CLTCL1: variants seen among roughly 807,000 people sequenced by gnomAD.
CLTCL1 encodes clathrin heavy chain like 1, also known as clathrin heavy chain 2.
Under a neutral mutation model 190.0 loss-of-function variants are expected in CLTCL1, and 159 were observed. The observed-to-expected ratio is 0.84, with a 90% CI of 0.74 to 0.95. The LOEUF (loss-of-function observed/expected upper bound fraction) is 0.95. Among genes scored for constraint, CLTCL1 ranks in the 40% least tolerant of loss-of-function variants. The pLI, the probability that CLTCL1 is intolerant of heterozygous loss-of-function variation, is 0.00. For missense variants in CLTCL1, 1,878 were observed against 2,033.4 expected (o/e 0.92, Z 1.47); for synonymous variants, 752 against 769.6 (o/e 0.98, Z 0.38).
intron 9 of CLTCL1, 29 bp downstream of exon 9, chr22:19,233,137 T>A (rs782307536): frequency 5.4e-5 from 86 of 1,595,804 alleles, no homozygotes; most frequent in Non-Finnish European, 6.9e-5. Flanking sequence ...GAGTAATCTG[T>A]GAGATGCCAG....
intron 18 of CLTCL1, 40 bp downstream of exon 18, chr22:19,219,845 A>G (rs186937870): frequency 6.4e-5 from 103 of 1,609,332 alleles, no homozygotes; most frequent in Admixed American, 8.3e-5. Context: ...ATCGGACGGC[A>G]AAATGCAGGT....
intron 1 of CLTCL1, among the ~76,000 whole-genome samples, chr22:19,276,416 T>C (rs1555983380): frequency 6.6e-6 from 1 of 152,162 alleles, no homozygotes; most frequent in Admixed American, 6.5e-5. Flanking sequence ...AGTCAGCAGG[T>C]TTGGCACATC....
At chr22:19,216,023 A>G (rs1601545137) in intron 19 of CLTCL1, 88 bp downstream of exon 19, 1 of 1,315,280 alleles carries the variant, frequency 7.6e-7, no homozygotes, top group Non-Finnish European at 1.0e-6. Flanking sequence ...TGGATGGGTG[A>G]AGCGGTACGA....
intron 26 of CLTCL1, among the ~76,000 whole-genome samples, chr22:19,195,716 C>A (rs147253420): frequency 1.7e-4 from 26 of 152,274 alleles, no homozygotes; most frequent in African/African-American, 6.0e-4. Flanking sequence ...GCTCACTTGA[C>A]CATGGCACCC....
At chr22:19,275,021 G>A (rs1046392669) in intron 2 of CLTCL1, among the ~76,000 whole-genome samples, 7 of 152,050 alleles carry the variant, frequency 4.6e-5, no homozygotes, top group South Asian at 2.1e-4. Flanking sequence ...GAGTCACTGC[G>A]CCCGGCCCAG....
chr22:19,272,667 C>T (rs1555981298), intron 2 of CLTCL1, among the ~76,000 whole-genome samples: 2 of 152,094 alleles, frequency 1.3e-5, no homozygotes, highest in Non-Finnish European at 2.9e-5. Flanking sequence ...GAGGAGGTTA[C>T]TCCACGTTCG....
Position 19,275,761 on chromosome 22 carries a change from T to G in CLTCL1, c.112A>C (p.Ile38Leu). Residue 38 changes from isoleucine to leucine, a missense_variant, in exon 2 of 33, where the codon ATA becomes CTA. Ile to Leu is a conservative substitution (Grantham distance 5). Transcript: ENST00000427926. The stretch of plus-strand genomic sequence containing the variant: ...TCACCAACTTTCTCTCGGATACATA[T>G]GAACTTGTCAGATTCCATGGTCAGT... ...STLTMESDKFICIREKVGEQA... is the reference protein window; with the variant it reads ...STLTMESDKFLCIREKVGEQA... 6.2e-7 allele frequency: 1 copy of G among 1,610,316 alleles called. No individual in the cohort carries two copies.
intron 3 of CLTCL1, among the ~76,000 whole-genome samples, chr22:19,244,690 C>A (rs573717851): frequency 6.6e-6 from 1 of 152,314 alleles, no homozygotes; most frequent in Admixed American, 6.5e-5. Context: ...AGAGACCAGA[C>A]CTTAGGCTAC....
chr22:19,226,120 C>T, intron 12 of CLTCL1, 99 bp downstream of exon 12: 1 of 1,364,458 alleles, frequency 7.3e-7, no homozygotes, highest in Non-Finnish European at 1.0e-6. Context: ...CAGGCTCAGG[C>T]CACAGTTCCA....
intron 19 of CLTCL1, among the ~76,000 whole-genome samples, chr22:19,211,364 C>T (rs116047882): frequency 0.012 from 1,867 of 152,330 alleles, 35 homozygotes; most frequent in African/African-American, 0.041. Flanking sequence ...TGTCCACTCT[C>T]CACACTTCTA....
At chr22:19,252,930 C>T (rs1237591347) in intron 3 of CLTCL1, among the ~76,000 whole-genome samples, 2 of 149,368 alleles carry the variant, frequency 1.3e-5, no homozygotes, top group Admixed American at 6.8e-5. Context: ...AGGAGAATGG[C>T]ATGAACCCAG....
At chr22:19,211,147 A>G (rs1416849929) in intron 19 of CLTCL1, among the ~76,000 whole-genome samples, 1 of 152,220 alleles carries the variant, frequency 6.6e-6, no homozygotes, top group Non-Finnish European at 1.5e-5. Context: ...ACATATCAAT[A>G]ATCTAAAAAA....
chr22:19,185,938 C>T (rs1555928180), intron 29 of CLTCL1, among the ~76,000 whole-genome samples: 1 of 152,228 alleles, frequency 6.6e-6, no homozygotes, highest in Admixed American at 6.5e-5. Flanking sequence ...AGCAGCTTTT[C>T]CTCTCCATTC....
chr22:19,227,429 C>T (rs1192411517), intron 11 of CLTCL1, among the ~76,000 whole-genome samples: 2 of 149,860 alleles, frequency 1.3e-5, no homozygotes, highest in Non-Finnish European at 3.0e-5. Context: ...ATTACAGGCA[C>T]ATGCCACCAC....
chr22:19,190,210 G>A (rs1054386111), intron 27 of CLTCL1, among the ~76,000 whole-genome samples: 6 of 152,142 alleles, frequency 3.9e-5, no homozygotes, highest in African/African-American at 1.4e-4. Flanking sequence ...CACCCACCTT[G>A]GCCTCCCAAA....
At chr22:19,183,310 A>G (rs1601422211) in intron 30 of CLTCL1, 80 bp downstream of exon 30, 1 of 1,307,852 alleles carries the variant, frequency 7.6e-7, no homozygotes, top group East Asian at 2.5e-5. Context: ...GCCCACCCTT[A>G]AGACCTGCGG....
chr22:19,181,569 A>T (rs2146179551), intron 30 of CLTCL1: 1 of 152,290 alleles, frequency 6.6e-6, no homozygotes, highest in South Asian at 2.1e-4. Context: ...TACCCTCCCT[A>T]CAATGGGAGA....
At chr22:19,188,446 C>T (rs1483084861) in intron 27 of CLTCL1, among the ~76,000 whole-genome samples, 2 of 152,178 alleles carry the variant, frequency 1.3e-5, no homozygotes, top group Non-Finnish European at 2.9e-5. Flanking sequence ...AAACACAGTA[C>T]ACACCTTAAT....
chr22:19,183,788 C>T lies in CLTCL1; in HGVS notation c.4606-177G>A, dbSNP rs558800030. 214 of 646,056 alleles carry T rather than the reference C, an allele frequency of 3.3e-4. 2 individuals carry two copies. The highest frequency in any genetic ancestry group is 3.0e-3 in the South Asian group (160 of 52,668). 40.0% of individuals were successfully genotyped at this position (646,056 alleles called of 1,614,324 possible). The stretch of plus-strand genomic sequence containing the variant: ...TATGCCCTGCTGCCCACTGGTGAAA[C>T]GGAGATGCCACCTCCGGAGGCTCTG... On this transcript the variant is annotated intron_variant, in intron 29 of 32. Coordinates refer to ENST00000427926, the MANE Select transcript of CLTCL1 (RefSeq NM_007098.4).
Sources: allele counts gnomAD v4.1 joint callset (sites outside exome capture counted in the v4.1 genomes callset), GRCh38; gene constraint gnomAD v4.1.1; transcripts MANE v1.5; gene names NCBI Gene and HGNC (gene_info 2026-07-23, HGNC 2026-07-21).